Variants in BLTP3B observed in about 807,000 individuals in gnomAD.
BLTP3B encodes the protein bridge-like lipid transfer protein family member 3B.
chr12:100,110,444 C>T, the BLTP3B span, among the ~76,000 whole-genome samples: 1 of 152,028 alleles, frequency 6.6e-6, no homozygotes, highest in Non-Finnish European at 1.5e-5. Context: ...AGATAACAAA[C>T]AAAAAACCCT....
At chr12:100,124,974 A>ATTTATATT in the BLTP3B span, among the ~76,000 whole-genome samples, 2 of 100,428 alleles carry the variant, frequency 2.0e-5, no homozygotes, top group African/African-American at 5.6e-5. Context: ...ATATATATAT[A>ATTTATATT]TATATTTATA....
the BLTP3B span, among the ~76,000 whole-genome samples, chr12:100,066,576 A>G: frequency 6.6e-6 from 1 of 151,786 alleles, no homozygotes; most frequent in African/African-American, 2.4e-5. Flanking sequence ...GCCAGATCAC[A>G]AGGTCAGGAG....
the BLTP3B span, among the ~76,000 whole-genome samples, chr12:100,106,181 T>C: frequency 6.6e-6 from 1 of 152,030 alleles, no homozygotes; most frequent in Non-Finnish European, 1.5e-5. Context: ...GATCTACCAT[T>C]CGATCCAGCA....
the BLTP3B span, among the ~76,000 whole-genome samples, chr12:100,043,989 T>A: frequency 2.6e-5 from 4 of 151,998 alleles, no homozygotes; most frequent in African/African-American, 9.7e-5. Flanking sequence ...TCTGATTGAC[T>A]TTTTTTTAAA....
At chr12:100,123,249 TGA>T in the BLTP3B span, among the ~76,000 whole-genome samples, 1 of 152,106 alleles carries the variant, frequency 6.6e-6, no homozygotes, top group African/African-American at 2.4e-5. Flanking sequence ...TTGGGATGTA[TGA>T]GAGAACAGAC....
chr12:100,113,890 A>G, the BLTP3B span, among the ~76,000 whole-genome samples: 2 of 152,178 alleles, frequency 1.3e-5, no homozygotes, highest in East Asian at 3.8e-4. Context: ...TGCATGTTAG[A>G]TTGTTTAATT....
chr12:100,120,854 A>G, the BLTP3B span, among the ~76,000 whole-genome samples: 1 of 152,198 alleles, frequency 6.6e-6, no homozygotes, highest in African/African-American at 2.4e-5. Context: ...ACGAATGTTC[A>G]TAATAGCTTT....
At chr12:100,087,158 CAAAAAAA>C in the BLTP3B span, among the ~76,000 whole-genome samples, 5 of 59,892 alleles carry the variant, frequency 8.3e-5, no homozygotes, top group South Asian at 6.9e-4. Context: ...GACTCCATCT[CAAAAAAA>C]AAAAAAAAAA....
chr12:100,142,503 C>T, the BLTP3B span: 1 of 1,442,076 alleles, frequency 6.9e-7, no homozygotes. Flanking sequence ...GCACAGCCGC[C>T]AGGCGCCGCC....
At chr12:100,068,519 G>C in the BLTP3B span, among the ~76,000 whole-genome samples, 1 of 152,186 alleles carries the variant, frequency 6.6e-6, no homozygotes, top group African/African-American at 2.4e-5. Flanking sequence ...AAACAGCTTT[G>C]CACAGCAAAA....
chr12:100,135,111 T>C, the BLTP3B span, among the ~76,000 whole-genome samples: 2 of 152,198 alleles, frequency 1.3e-5, no homozygotes, highest in Non-Finnish European at 2.9e-5. Flanking sequence ...GCCCTTGTTT[T>C]CTCTTTGATC....
the BLTP3B span, among the ~76,000 whole-genome samples, chr12:100,109,281 C>A: frequency 6.6e-6 from 1 of 151,348 alleles, no homozygotes; most frequent in Non-Finnish European, 1.5e-5. Context: ...TTTCCTGAGG[C>A]CTCCCCAGCC....
At chr12:100,098,919 C>CAGATAGAT in the BLTP3B span, among the ~76,000 whole-genome samples, 447 of 139,808 alleles carry the variant, frequency 3.2e-3, 8 homozygotes, top group East Asian at 0.037. Flanking sequence ...AAAATATAGA[C>CAGATAGAT]AGATAGATAG....
the BLTP3B span, among the ~76,000 whole-genome samples, chr12:100,063,154 C>T: frequency 6.6e-6 from 1 of 152,098 alleles, no homozygotes; most frequent in Non-Finnish European, 1.5e-5. Context: ...TCCAGAATCA[C>T]TACAGGAATA....
the BLTP3B span, among the ~76,000 whole-genome samples, chr12:100,133,105 G>A: frequency 3.3e-5 from 5 of 152,090 alleles, no homozygotes; most frequent in African/African-American, 1.2e-4. Flanking sequence ...AGCTGGGGGT[G>A]GTGGTGGGTG....
At chr12:100,078,237 T>C in the BLTP3B span, among the ~76,000 whole-genome samples, 1 of 152,122 alleles carries the variant, frequency 6.6e-6, no homozygotes, top group East Asian at 1.9e-4. Flanking sequence ...GGCACCTCCC[T>C]GCGCCACTCT....
the BLTP3B span, chr12:100,059,452 C>A: frequency 1.9e-6 from 3 of 1,613,834 alleles, no homozygotes; most frequent in Non-Finnish European, 2.5e-6. Flanking sequence ...GTATTTGTGG[C>A]AATCATTTCA....
At chr12:100,129,662 C>G in the BLTP3B span, among the ~76,000 whole-genome samples, 1 of 152,086 alleles carries the variant, frequency 6.6e-6, no homozygotes, top group Non-Finnish European at 1.5e-5. Flanking sequence ...CAATGATTAG[C>G]CTCATTAAAG....
the BLTP3B span, among the ~76,000 whole-genome samples, chr12:100,141,697 A>G: frequency 1.3e-5 from 2 of 152,140 alleles, no homozygotes; most frequent in Non-Finnish European, 2.9e-5. Context: ...GATCCTAACC[A>G]AGGGCTTTGA....
Sources: allele counts gnomAD v4.1 joint callset (sites outside exome capture counted in the v4.1 genomes callset), GRCh38; gene constraint gnomAD v4.1.1; transcripts MANE v1.5; gene names NCBI Gene and HGNC (gene_info 2026-07-23, HGNC 2026-07-21).